Variants in EPM2A observed in about 807,000 individuals in gnomAD.
EPM2A encodes the protein EPM2A glucan phosphatase, laforin.
A neutral mutation model predicts 26.5 loss-of-function variants in EPM2A; 21 were observed. That is an observed-to-expected ratio of 0.79 (90% CI 0.56 to 1.14). EPM2A has a LOEUF of 1.14. Among genes scored for constraint, EPM2A ranks in the 50% most tolerant of loss-of-function variants. The pLI, the probability that EPM2A is intolerant of heterozygous loss-of-function variation, is 0.00. For synonymous variants in EPM2A, 217 were observed against 177.6 expected, an observed-to-expected ratio of 1.22 and a Z score of -1.76; for missense variants, 458 against 440.8, an observed-to-expected ratio of 1.04 and a Z score of -0.35.
At chr6:145,478,736 G>A (rs956544623) in intron 4 of EPM2A, among the ~76,000 whole-genome samples, 4 of 151,574 alleles carry the variant, frequency 2.6e-5, no homozygotes, top group African/African-American at 7.3e-5. Context: ...GTTGTTATAA[G>A]TACTTATGAT....
chr6:145,506,533 T>C (rs1160233730), intron 2 of EPM2A, among the ~76,000 whole-genome samples: 1 of 151,736 alleles, frequency 6.6e-6, no homozygotes, highest in South Asian at 2.1e-4. Context: ...TACAGTTATA[T>C]ATAAAATCTA....
intron 4 of EPM2A, among the ~76,000 whole-genome samples, chr6:145,415,116 G>A (rs1778690646): frequency 6.6e-6 from 1 of 152,158 alleles, no homozygotes; most frequent in African/African-American, 2.4e-5. Context: ...TAGCTACAGA[G>A]TATTGAGCAC....
At chr6:145,599,625 T>A (rs573065995) in intron 2 of EPM2A, among the ~76,000 whole-genome samples, 98 of 152,100 alleles carry the variant, frequency 6.4e-4, no homozygotes, top group African/African-American at 2.3e-3. Context: ...TATGTTTTGG[T>A]CTTTTTCTTA....
At chr6:145,461,105 C>T (rs1779324453) in intron 4 of EPM2A, among the ~76,000 whole-genome samples, 1 of 152,102 alleles carries the variant, frequency 6.6e-6, no homozygotes, top group South Asian at 2.1e-4. Context: ...TATTCTCAAC[C>T]TTTATCAACT....
At chr6:145,631,597 A>T (rs909884008) in intron 3 of EPM2A, 3 of 152,246 alleles carry the variant, frequency 2.0e-5, no homozygotes, top group African/African-American at 7.2e-5. Flanking sequence ...CTGAGACACT[A>T]CTAAGCACTT....
chr6:145,717,257 A>T (rs2128635731), intron 1 of EPM2A, among the ~76,000 whole-genome samples: 1 of 152,334 alleles, frequency 6.6e-6, no homozygotes, highest in Middle Eastern at 3.4e-3. Flanking sequence ...CACATCAAAA[A>T]GCTTATCCAC....
chr6:145,618,872 AG>A (rs1180425811), intron 2 of EPM2A, among the ~76,000 whole-genome samples: 10 of 152,208 alleles, frequency 6.6e-5, no homozygotes, highest in Non-Finnish European at 1.2e-4. Context: ...GTATATTTGA[AG>A]TAGAAAGGTC....
chr6:145,489,983 C>T (rs1284303163), intron 4 of EPM2A: 3 of 1,387,854 alleles, frequency 2.2e-6, no homozygotes, highest in Non-Finnish European at 3.0e-6. Flanking sequence ...AAGTACCTGG[C>T]TGTCCTGGAG....
intron 2 of EPM2A, among the ~76,000 whole-genome samples, chr6:145,593,697 A>T (rs191712826): frequency 2.0e-5 from 3 of 152,168 alleles, no homozygotes; most frequent in African/African-American, 7.2e-5. Context: ...CCAAAGAAAA[A>T]ATTCTCCAGA....
intron 2 of EPM2A, among the ~76,000 whole-genome samples, chr6:145,660,266 G>A (rs191993036): frequency 6.6e-6 from 1 of 152,224 alleles, no homozygotes; most frequent in Admixed American, 6.5e-5. Flanking sequence ...TCCTGAGAAT[G>A]TGGACTTGTC....
chr6:145,677,414 T>C (rs991093061), intron 2 of EPM2A, among the ~76,000 whole-genome samples: 5 of 152,198 alleles, frequency 3.3e-5, no homozygotes. Context: ...TTCAACATAG[T>C]GTTGGAAGTT....
chr6:145,413,778 T>C (rs1262163055), intron 4 of EPM2A, among the ~76,000 whole-genome samples: 2 of 152,152 alleles, frequency 1.3e-5, no homozygotes, highest in African/African-American at 4.8e-5. Context: ...TCCTGACAAA[T>C]AGCTTATTTT....
chr6:145,693,962 T>C (rs1781427281), intron 1 of EPM2A, among the ~76,000 whole-genome samples: 1 of 151,922 alleles, frequency 6.6e-6, no homozygotes, highest in Admixed American at 6.6e-5. Context: ...CCCTAGAATT[T>C]AAAAACTCAC....
At chr6:145,719,696 C>T (rs896986957) in intron 1 of EPM2A, among the ~76,000 whole-genome samples, 4 of 152,152 alleles carry the variant, frequency 2.6e-5, no homozygotes, top group South Asian at 2.1e-4. Context: ...TGACAATAAA[C>T]ATTTTTTCCC....
intron 2 of EPM2A, among the ~76,000 whole-genome samples, chr6:145,584,952 T>C (rs1781168866): frequency 6.6e-6 from 1 of 152,210 alleles, no homozygotes; most frequent in Non-Finnish European, 1.5e-5. Context: ...ATCAAAAATA[T>C]CTTTATTTTG....
intron 4 of EPM2A, among the ~76,000 whole-genome samples, chr6:145,397,173 G>A (rs1778416595): frequency 6.6e-6 from 1 of 152,166 alleles, no homozygotes; most frequent in South Asian, 2.1e-4. Flanking sequence ...GCTCAGGCCT[G>A]TAATCTCAGC....
chr6:145,729,760 G>T (rs1437290581), intron 1 of EPM2A, among the ~76,000 whole-genome samples: 1 of 152,134 alleles, frequency 6.6e-6, no homozygotes, highest in Non-Finnish European at 1.5e-5. Flanking sequence ...GAGACTTTGG[G>T]GGACCGTTGA....
At chr6:145,447,792 T>C (rs1266585084) in intron 4 of EPM2A, among the ~76,000 whole-genome samples, 1 of 152,030 alleles carries the variant, frequency 6.6e-6, no homozygotes, top group Admixed American at 6.5e-5. Context: ...TAACTCTTGA[T>C]TGACAAAAAA....
At chr6:145,520,940 G>C (rs1318958331) in intron 2 of EPM2A, among the ~76,000 whole-genome samples, 1 of 152,190 alleles carries the variant, frequency 6.6e-6, no homozygotes, top group Non-Finnish European at 1.5e-5. Flanking sequence ...AGGGGCAAAA[G>C]TGATGGTAAA....
Sources: allele counts gnomAD v4.1 joint callset (sites outside exome capture counted in the v4.1 genomes callset), GRCh38; gene constraint gnomAD v4.1.1; transcripts MANE v1.5; gene names NCBI Gene and HGNC (gene_info 2026-07-23, HGNC 2026-07-21).